Variants in TMEM14A observed in about 807,000 individuals in gnomAD.
TMEM14A encodes transmembrane protein 14A.
A neutral mutation model predicts 11.6 loss-of-function variants in TMEM14A; 8 were observed. That is an observed-to-expected ratio of 0.69 (90% CI 0.40 to 1.24). The LOEUF is 1.24. Ranked by LOEUF, TMEM14A falls within the 50% of genes most tolerant of loss-of-function variation. The pLI is 0.01. For synonymous variants in TMEM14A, 34 were observed against 45.5 expected (o/e 0.75, Z 1.02); for missense variants, 108 against 121.9 (o/e 0.89, Z 0.54).
intron 2 of TMEM14A, among the ~76,000 whole-genome samples, chr6:52,681,404 C>T (rs1160685529): frequency 2.6e-5 from 4 of 152,096 alleles, no homozygotes; most frequent in African/African-American, 9.7e-5. Flanking sequence ...ACTAAAACTA[C>T]CTTTGCATCT....
chr6:52,680,689 A>ATGTGTG lies in TMEM14A; in HGVS notation c.71-1121_71-1120insGTGTGT, dbSNP rs371504929. On this transcript the variant is annotated intron_variant, in intron 2 of 4. Transcript: ENST00000211314. ...TATGTGTATATATATATATACATAT[A>ATGTGTG]TGTATATATATATATACACATATAT... Among the ~76,000 whole-genome samples, 388 of 56,936 alleles carry ATGTGTG rather than the reference A, an allele frequency of 6.8e-3. 24 individuals are homozygous for ATGTGTG. Among genetic ancestry groups the ATGTGTG allele is most frequent in the African/African-American group, 0.022 (367 of 16,948 alleles). 37.4% of individuals were successfully genotyped at this position (56,936 alleles called of 152,430 possible).
At position 52,676,981 on chromosome 6, in the gene TMEM14A, TG is replaced by T. The variant is rs1769268083; in HGVS notation, c.-16-103del. ...CAGGATCACAATTCAACATGAAATTTGGGTGGGGACACACAGCCAAACCATA... is the reference window on the plus strand; with the variant it reads ...CAGGATCACAATTCAACATGAAATTTGGTGGGGACACACAGCCAAACCATA... On this transcript the variant is annotated intron_variant, in intron 1 of 4. Transcript: ENST00000211314. 5 of 978,692 alleles carry T rather than the reference TG, an allele frequency of 5.1e-6. 1 individual carries two copies. Among genetic ancestry groups the T allele is most frequent in the Non-Finnish European group, 8.0e-6 (5 of 628,098 alleles). 60.6% of individuals were successfully genotyped at this position (978,692 alleles called of 1,614,324 possible).
At chr6:52,682,056 T>C (rs1475114816) in intron 3 of TMEM14A, 142 bp downstream of exon 3, 24 of 570,904 alleles carry the variant, frequency 4.2e-5, no homozygotes, top group South Asian at 6.4e-5. Context: ...ACAACACTTA[T>C]TCCTTTCTAG....
chr6:52,682,337 T>G (rs965655894), intron 3 of TMEM14A, among the ~76,000 whole-genome samples: 9 of 152,244 alleles, frequency 5.9e-5, no homozygotes, highest in African/African-American at 2.2e-4. Flanking sequence ...AAAGCAAGGC[T>G]GACGCTTTTT....
chr6:52,681,327 G>T (rs1447218426), intron 2 of TMEM14A, among the ~76,000 whole-genome samples: 1 of 152,134 alleles, frequency 6.6e-6, no homozygotes, highest in Admixed American at 6.5e-5. Context: ...AGGCATGAAG[G>T]TTTGTTAATT....
chr6:52,684,039 TGTTTGAAACTCTG>T, intron 3 of TMEM14A, 26 bp from the exon 4 acceptor site: 6 of 1,583,914 alleles, frequency 3.8e-6, no homozygotes, highest in Non-Finnish European at 5.2e-6. Flanking sequence ...ATTGATAACA[TGTTTGAAACTCTG>T]GTTCATGAAT....
At chr6:52,680,585 T>TTTTATATATATATATATATA (rs1387950814) in intron 2 of TMEM14A, among the ~76,000 whole-genome samples, 1 of 33,264 alleles carries the variant, frequency 3.0e-5, no homozygotes, top group Non-Finnish European at 8.1e-5. Flanking sequence ...CACTATATAT[T>TTTTATATATATATATATATA]TATATATTTA....
rs1769351015 is a variant in TMEM14A, at chr6:52,680,603, A to ATATATATATATG, written c.71-1201_71-1200insATGTATATATAT. 1.6e-5 allele frequency among the ~76,000 whole-genome samples: 2 copies of ATATATATATATG among 121,734 alleles called. 1 individual carries two copies. The highest frequency in any genetic ancestry group is 3.5e-5 in the Non-Finnish European group (2 of 57,316). The allele number at this position is 121,734 out of a possible 152,430, so 79.9% of individuals were successfully genotyped here. A position where few individuals can be genotyped will look rare whatever the true frequency, so the allele number is the denominator to read the frequency against. On this transcript the variant is annotated intron_variant, in intron 2 of 4. Coordinates refer to ENST00000211314, the MANE Select transcript of TMEM14A (RefSeq NM_014051.4). ...TATATATTTATATATTTATATATATATATATATATGTATATATATGTGTAT... is the reference window on the plus strand; with the variant it reads ...TATATATTTATATATTTATATATATATATATATATATGTATATATATGTATATATATGTGTAT...
intron 2 of TMEM14A, among the ~76,000 whole-genome samples, chr6:52,680,691 G>GTGTATATA (rs758417981): frequency 1.1e-4 from 4 of 35,314 alleles, no homozygotes; most frequent in African/African-American, 1.5e-4. Flanking sequence ...ATACATATAT[G>GTGTATATA]TATATATATA....
intron 2 of TMEM14A, among the ~76,000 whole-genome samples, chr6:52,680,266 C>T (rs1432459019): frequency 5.9e-5 from 9 of 151,740 alleles, no homozygotes; most frequent in South Asian, 2.1e-4. Context: ...AGCAGACATC[C>T]GAAGGTGAGC....
chr6:52,681,598 C>T (rs779462504), intron 2 of TMEM14A, among the ~76,000 whole-genome samples: 1 of 152,214 alleles, frequency 6.6e-6, no homozygotes, highest in African/African-American at 2.4e-5. Context: ...CTGCTGTGCC[C>T]TCAGGGCTCC....
rs1769487315 is a variant in TMEM14A, at chr6:52,686,045, T to C, written c.296T>C (p.Leu99Pro). Residue 99 changes from leucine to proline, a missense_variant, in exon 5 of 5, where the codon CTC becomes CCC. By Grantham distance (98) the Leu-to-Pro change is moderately conservative. Transcript: ENST00000211314. ...ATCCTGAGACTTGTCTTGTTGCTGC[T>C]CTGAGCATCTGGAGGAACAGAAAAC... ...MMILRLVLLL[L>P] The C allele has an allele frequency of 6.2e-7, 1 of 1,611,892 alleles. No individual in the cohort carries two copies. The highest frequency in any genetic ancestry group is 8.5e-7 in the Non-Finnish European group (1 of 1,179,060).
At chr6:52,677,929 A>G (rs115927370) in intron 2 of TMEM14A, among the ~76,000 whole-genome samples, 2,076 of 152,374 alleles carry the variant, frequency 0.014, 36 homozygotes, top group African/African-American at 0.047. Flanking sequence ...GTCAAAGACC[A>G]GAAGCACCGT....
chr6:52,672,136 C>G (rs1769172888), intron 1 of TMEM14A, among the ~76,000 whole-genome samples: 1 of 152,176 alleles, frequency 6.6e-6, no homozygotes, highest in Admixed American at 6.5e-5. Flanking sequence ...GAAGCTGTTC[C>G]TTTGGTTCAC....
rs769037345 is a variant in TMEM14A, at chr6:52,686,007, C to T, written c.261-3C>T. 5 of 1,609,486 alleles carry T rather than the reference C, an allele frequency of 3.1e-6. No homozygotes were observed. Among genetic ancestry groups the T allele is most frequent in the Non-Finnish European group, 4.2e-6 (5 of 1,178,096 alleles). ...CTTTGTCTTTGTTTTATTTTAAATC[C>T]AGCCTCATGATGATCCTGAGACTTG... On this transcript the variant is annotated splice_region_variant and splice_polypyrimidine_tract_variant and intron_variant, in intron 4 of 4. Transcript: ENST00000211314.
intron 2 of TMEM14A, 80 bp downstream of exon 2, chr6:52,677,252 T>C: frequency 6.8e-7 from 1 of 1,472,764 alleles, no homozygotes; most frequent in Non-Finnish European, 9.5e-7. Flanking sequence ...GCTCTGTAAG[T>C]AGGATGAGAA....
At chr6:52,675,071 A>AGGGGTTTCACC (rs1769231145) in intron 1 of TMEM14A, among the ~76,000 whole-genome samples, 1 of 151,928 alleles carries the variant, frequency 6.6e-6, no homozygotes, top group Admixed American at 6.6e-5. Context: ...TTAGTAGAGA[A>AGGGGTTTCACC]GGGGTTTCAC....
At chr6:52,683,968 C>T in intron 3 of TMEM14A, 110 bp from the exon 4 acceptor site, 1 of 990,818 alleles carries the variant, frequency 1.0e-6, no homozygotes, top group South Asian at 1.6e-5. Context: ...AACTCAGTAC[C>T]TATCCATAAT....
chr6:52,680,689 A>ATGTGTGTATATATATATACATATATG (rs371504929), intron 2 of TMEM14A, among the ~76,000 whole-genome samples: 2 of 56,968 alleles, frequency 3.5e-5, no homozygotes, highest in Non-Finnish European at 3.8e-5. Context: ...ATATACATAT[A>ATGTGTGTATATATATATACATATATG]TGTATATATA....
Sources: allele counts gnomAD v4.1 joint callset (sites outside exome capture counted in the v4.1 genomes callset), GRCh38; gene constraint gnomAD v4.1.1; transcripts MANE v1.5; gene names NCBI Gene and HGNC (gene_info 2026-07-23, HGNC 2026-07-21).